MCF2L2: variants seen among roughly 807,000 people sequenced by gnomAD.
MCF2L2 encodes the protein probable guanine nucleotide exchange factor MCF2L2.
A neutral mutation model predicts 150.2 loss-of-function variants in MCF2L2; 102 were observed. That is an observed-to-expected ratio of 0.68 (90% CI 0.58 to 0.80). The LOEUF (loss-of-function observed/expected upper bound fraction) is 0.80, where lower values mean the gene tolerates loss of function less well. Ranked by LOEUF, MCF2L2 falls within the 30% of genes least tolerant of loss-of-function variation. The probability of loss-of-function intolerance (pLI) is 0.00; values close to 1 mark genes in which losing one functional copy is unlikely to be tolerated. For missense variants in MCF2L2, 1,256 were observed against 1,372.8 expected, an observed-to-expected ratio of 0.91 and a Z score of 1.34; for synonymous variants, 465 against 491.3, an observed-to-expected ratio of 0.95 and a Z score of 0.71.
At chr3:183,215,923 C>T (rs1722893633) in intron 22 of MCF2L2, 46 bp downstream of exon 22, 1 of 1,593,308 alleles carries the variant, frequency 6.3e-7, no homozygotes, top group Non-Finnish European at 8.6e-7. Flanking sequence ...TGTAGTATTG[C>T]ACCTGCCTTT....
chr3:183,202,506 A>T (rs1426349375), intron 25 of MCF2L2, among the ~76,000 whole-genome samples: 1 of 152,234 alleles, frequency 6.6e-6, no homozygotes, highest in East Asian at 1.9e-4. Flanking sequence ...GATGATCTGC[A>T]CAAACAGAAA....
intron 3 of MCF2L2, among the ~76,000 whole-genome samples, chr3:183,344,463 G>T (rs189001350): frequency 1.3e-5 from 2 of 152,016 alleles, no homozygotes; most frequent in African/African-American, 4.8e-5. Context: ...AAATAGCCAC[G>T]GCAAAAACAT....
At chr3:183,241,026 A>G (rs533425471) in intron 15 of MCF2L2, among the ~76,000 whole-genome samples, 2 of 152,298 alleles carry the variant, frequency 1.3e-5, no homozygotes, top group East Asian at 3.9e-4. Context: ...GACCTTAATA[A>G]ATTTAGAGTC....
chr3:183,361,486 G>T (rs1333597751), intron 3 of MCF2L2, among the ~76,000 whole-genome samples: 1 of 152,130 alleles, frequency 6.6e-6, no homozygotes, highest in African/African-American at 2.4e-5. Context: ...GAGATCTGAT[G>T]GTTTAAAAGT....
At chr3:183,279,458 A>T (rs1005740054) in intron 14 of MCF2L2, among the ~76,000 whole-genome samples, 4 of 152,166 alleles carry the variant, frequency 2.6e-5, no homozygotes, top group African/African-American at 7.2e-5. Flanking sequence ...AGCTCCATTG[A>T]ATGATAAAAG....
intron 11 of MCF2L2, chr3:183,298,269 A>G (rs1293902432): frequency 6.6e-6 from 1 of 152,206 alleles, no homozygotes; most frequent in Non-Finnish European, 1.5e-5. Flanking sequence ...CTACCTGAAG[A>G]GTTATATGAA....
intron 15 of MCF2L2, among the ~76,000 whole-genome samples, chr3:183,234,848 TC>T: frequency 8.5e-6 from 1 of 117,754 alleles, no homozygotes; most frequent in Non-Finnish European, 1.7e-5. Flanking sequence ...CCCTCCCCTC[TC>T]CCCCGACCCC....
At chr3:183,208,126 C>G (rs1415105761) in intron 22 of MCF2L2, among the ~76,000 whole-genome samples, 1 of 152,208 alleles carries the variant, frequency 6.6e-6, no homozygotes, top group Non-Finnish European at 1.5e-5. Flanking sequence ...TCAATTTTAA[C>G]TAGCAGAATT....
intron 3 of MCF2L2, among the ~76,000 whole-genome samples, chr3:183,371,486 G>A (rs1466583915): frequency 2.3e-5 from 1 of 43,246 alleles, no homozygotes; most frequent in Admixed American, 2.6e-4. Context: ...TTTTTTTTTT[G>A]AGACGGAGTC....
At chr3:183,189,580 T>A (rs1054922881) in intron 27 of MCF2L2, among the ~76,000 whole-genome samples, 7 of 152,090 alleles carry the variant, frequency 4.6e-5, no homozygotes, top group Non-Finnish European at 8.8e-5. Flanking sequence ...CTCTTTGTCC[T>A]CATGCCAGGA....
chr3:183,277,029 A>G (rs1033318791), intron 14 of MCF2L2, 72 bp from the exon 15 acceptor site: 3 of 1,031,008 alleles, frequency 2.9e-6, no homozygotes, highest in African/African-American at 3.3e-5. Context: ...CTCTCTCCCA[A>G]TTTCTGTGTT....
At chr3:183,191,165 C>T (rs1188343193) in intron 27 of MCF2L2, among the ~76,000 whole-genome samples, 2 of 152,146 alleles carry the variant, frequency 1.3e-5, no homozygotes. Context: ...CGTGAGCCAC[C>T]GCACCCGGCT....
chr3:183,381,926 G>A (rs1713550505), intron 2 of MCF2L2, among the ~76,000 whole-genome samples: 2 of 152,126 alleles, frequency 1.3e-5, no homozygotes, highest in African/African-American at 4.8e-5. Flanking sequence ...GCTAAATTAA[G>A]ATGCATTATA....
rs3076576 is a variant in MCF2L2, at chr3:183,267,213, T to TA, written c.1862+9658dup. Among the ~76,000 whole-genome samples the TA allele has an allele frequency of 2.3e-3, 348 of 149,140 alleles. 1 individual carries two copies. Among genetic ancestry groups the TA allele is most frequent in the African/African-American group, 6.5e-3 (268 of 40,918 alleles). On this transcript the variant is annotated intron_variant, in intron 15 of 29. Transcript: ENST00000328913. The surrounding 1 kb of genome is among the most constrained non-coding windows in gnomAD (Gnocchi z 5.5). Reference sequence around the variant, plus strand: ...TACTACTCTCAGTACACTCTGTATTTAAAAAAAAAAATGCTGGTTGTGGCT... The same window carrying TA: ...TACTACTCTCAGTACACTCTGTATTTAAAAAAAAAAAATGCTGGTTGTGGCT...
rs201785496 is a variant in MCF2L2, at chr3:183,270,039, G to A, written c.1862+6833C>T. On this transcript the variant is annotated intron_variant, in intron 15 of 29. Transcript: ENST00000328913. The surrounding 1 kb of genome is among the most constrained non-coding windows in gnomAD (Gnocchi z 4.5). ...CTACCAATACTTGATTAACCACAAGGAAAAGTGTCAAGCTCAAGACGTCCT... is the reference window on the plus strand; with the variant it reads ...CTACCAATACTTGATTAACCACAAGAAAAAGTGTCAAGCTCAAGACGTCCT... 3.7e-6 allele frequency: 6 copies of A among 1,614,140 alleles called. No homozygotes were observed. Among genetic ancestry groups the A allele is most frequent in the East Asian group, 4.5e-5 (2 of 44,872 alleles).
At position 183,178,301 on chromosome 3, in the gene MCF2L2, C is replaced by T. The variant is rs1721381852; in HGVS notation, c.*1079G>A. On this transcript the variant is annotated 3_prime_UTR_variant, in exon 30 of 30. Coordinates refer to ENST00000328913, the MANE Select transcript of MCF2L2 (RefSeq NM_015078.4). ...CTAACACGGGGAAACCCCGTCTCTACTAAAAATCCAAATAAAAAATTAGCC... is the reference window on the plus strand; with the variant it reads ...CTAACACGGGGAAACCCCGTCTCTATTAAAAATCCAAATAAAAAATTAGCC... 6.6e-6 allele frequency: 1 copy of T among 152,220 alleles called. No individual in the cohort carries two copies. Among genetic ancestry groups the T allele is most frequent in the African/African-American group, 2.4e-5 (1 of 41,430 alleles). The allele number at this position is 152,220 out of a possible 1,614,324, so 9.4% of individuals were successfully genotyped here.
intron 22 of MCF2L2, among the ~76,000 whole-genome samples, chr3:183,212,855 C>A (rs947883368): frequency 6.7e-6 from 1 of 150,186 alleles, no homozygotes; most frequent in African/African-American, 2.5e-5. Context: ...GCTGTTTATT[C>A]GGCATCTGTT....
At chr3:183,392,332 C>T (rs1714202094) in intron 1 of MCF2L2, among the ~76,000 whole-genome samples, 1 of 152,114 alleles carries the variant, frequency 6.6e-6, no homozygotes, top group African/African-American at 2.4e-5. Context: ...GGGCAAACCT[C>T]GGCCACGCGT....
rs959481136 is a variant in MCF2L2, at chr3:183,252,561, G to A, written c.1863-21544C>T. On this transcript the variant is annotated intron_variant, in intron 15 of 29. Coordinates refer to ENST00000328913, the MANE Select transcript of MCF2L2 (RefSeq NM_015078.4). ...GATGGGGTCTTGCTATGTTGGCCAC[G>A]CTGGTCTCTAACTCCTGGGATCAAG... 3.9e-5 allele frequency among the ~76,000 whole-genome samples: 6 copies of A among 152,262 alleles called. No homozygotes were observed. In the East Asian group the frequency reaches 5.8e-4, roughly 15 times the overall value.
Sources: gnomAD v4.1 joint callset for allele counts (sites outside exome capture counted in the v4.1 genomes callset) on GRCh38, gnomAD v4.1.1 for gene constraint, Gnocchi (gnomAD v3.1) non-coding constraint, MANE v1.5 for transcripts, NCBI Gene and HGNC (gene_info 2026-07-23, HGNC 2026-07-21) for gene names.